The following PDCD11 variants were observed in gnomAD, a reference collection of about 807,000 sequenced individuals.
PDCD11 encodes the protein programmed cell death 11.
Under a neutral mutation model 198.9 loss-of-function variants are expected in PDCD11, and 97 were observed. The observed-to-expected ratio is 0.49, with a 90% CI of 0.41 to 0.58. The LOEUF is 0.58. Among genes scored for constraint, PDCD11 ranks in the 20% least tolerant of loss-of-function variants. The probability of loss-of-function intolerance (pLI) is 0.00; values close to 1 mark genes in which losing one functional copy is unlikely to be tolerated. For missense variants in PDCD11, 2,102 were observed against 2,312.7 expected (o/e 0.91, Z 1.87); for synonymous variants, 893 against 918.0 (o/e 0.97, Z 0.49).
chr10:103,400,584 T>C (rs1408408827), intron 3 of PDCD11, 56 bp downstream of exon 3: 2 of 1,539,544 alleles, frequency 1.3e-6, no homozygotes, highest in Non-Finnish European at 1.8e-6. Context: ...TAAGTTTGTG[T>C]ATGTTCTTTT....
At chr10:103,404,946 T>C in intron 4 of PDCD11, 76 bp from the exon 5 acceptor site, 1 of 1,414,460 alleles carries the variant, frequency 7.1e-7, no homozygotes. Flanking sequence ...GAGAAGTCAC[T>C]GAGCCAAAGC....
At chr10:103,417,980 A>G in intron 14 of PDCD11, 48 bp downstream of exon 14, 7 of 1,601,864 alleles carry the variant, frequency 4.4e-6, no homozygotes, top group Non-Finnish European at 6.0e-6. Flanking sequence ...AGTGGCAGAG[A>G]GCAGGGAACC....
At chr10:103,407,556 C>A (rs1564758669) in intron 7 of PDCD11, among the ~76,000 whole-genome samples, 1 of 151,966 alleles carries the variant, frequency 6.6e-6, no homozygotes, top group Non-Finnish European at 1.5e-5. Flanking sequence ...GTGCGAGACT[C>A]CGTCTCAAAC....
In PDCD11 at chr10:103,398,536, G is replaced by C. The variant is rs761688267; in HGVS notation, c.102+8G>C. ...CAAGACAACTTATTTGATGTAAGTA[G>C]TATGCTTGTTTGGTGACACTCACTG... On this transcript the variant is annotated splice_region_variant and intron_variant, in intron 2 of 35. Transcript: ENST00000369797. 16 of 1,572,278 alleles carry C rather than the reference G, an allele frequency of 1.0e-5. No homozygotes were observed. Among genetic ancestry groups the C allele is most frequent in the Non-Finnish European group, 1.3e-5 (15 of 1,141,894 alleles).
rs1261304814 is a variant in PDCD11 at position 103,419,719 on chromosome 10, C to T, written c.2277+11C>T. 6.2e-7 allele frequency: 1 copy of T among 1,613,058 alleles called. No individual in the cohort carries two copies. The highest frequency in any genetic ancestry group is 8.5e-7 in the Non-Finnish European group (1 of 1,179,372). Reference sequence around the variant, plus strand: ...CTGGCCCCAAAAGCTGTAAGTTCAACTCCATGTACAAGGGCTTTGAGGAGA... The same window carrying T: ...CTGGCCCCAAAAGCTGTAAGTTCAATTCCATGTACAAGGGCTTTGAGGAGA... On this transcript the variant is annotated intron_variant, in intron 16 of 35. Transcript: ENST00000369797.
In PDCD11 at chr10:103,441,842, C is replaced by T. The variant is rs2032397289; in HGVS notation, c.4574C>T (p.Pro1525Leu). Residue 1525 changes from proline to leucine, a missense_variant, in exon 31 of 36, where the codon CCA becomes CTA. Physicochemically the swap from Pro to Leu is moderately conservative, Grantham distance 98 (BLOSUM62 -3). Transcript: ENST00000369797. The stretch of plus-strand genomic sequence containing the variant: ...TTCCTCCAGGAGAAGCAAACCAAGC[C>T]AGCAGAAGCGCCCCGGCTGCAGCTG... ...NVLPKEKQTK[P>L]AEAPRLQLSS... 1 of 1,613,948 alleles carries T rather than the reference C, an allele frequency of 6.2e-7. No individual in the cohort carries two copies. The highest frequency in any genetic ancestry group is 1.7e-5 in the Admixed American group (1 of 60,006).
At position 103,445,611 on chromosome 10, in the gene PDCD11, C is replaced by T. The variant is rs2032577606; in HGVS notation, c.*62C>T. 11 of 1,469,056 alleles carry T rather than the reference C, an allele frequency of 7.5e-6. No homozygotes were observed. Among genetic ancestry groups the T allele is most frequent in the Admixed American group, 2.0e-5 (1 of 50,524 alleles). 91.0% of individuals were successfully genotyped at this position (1,469,056 alleles called of 1,614,324 possible). A position where few individuals can be genotyped will look rare whatever the true frequency, so the allele number is the denominator to read the frequency against. Reference sequence around the variant, plus strand: ...GCCAGCCCGGCCCCGCCTCGAGTGCCTGGGCACTCGGAAAACTGTTACCTC... The same window carrying T: ...GCCAGCCCGGCCCCGCCTCGAGTGCTTGGGCACTCGGAAAACTGTTACCTC... On this transcript the variant is annotated 3_prime_UTR_variant, in exon 36 of 36. Coordinates refer to ENST00000369797, the MANE Select transcript of PDCD11 (RefSeq NM_014976.2).
At chr10:103,434,759 C>T in intron 24 of PDCD11, 39 bp from the exon 25 acceptor site, 3 of 1,563,886 alleles carry the variant, frequency 1.9e-6, no homozygotes, top group Non-Finnish European at 8.7e-7. Context: ...TCCCTTAGCT[C>T]ATTTCCTCTT....
intron 34 of PDCD11, 86 bp downstream of exon 34, chr10:103,444,154 C>A: frequency 8.3e-7 from 1 of 1,207,660 alleles, no homozygotes; most frequent in South Asian, 1.4e-5. Flanking sequence ...TCTTCTAAGT[C>A]AGGAGAGCCT....
chr10:103,444,837 C>T (rs985567966), intron 35 of PDCD11, among the ~76,000 whole-genome samples, 155 bp downstream of exon 35: 5 of 152,258 alleles, frequency 3.3e-5, no homozygotes, highest in Non-Finnish European at 4.4e-5. Flanking sequence ...TTCAACTCCT[C>T]TTTCTGCCTC....
intron 8 of PDCD11, among the ~76,000 whole-genome samples, chr10:103,412,037 CTG>C (rs1423804250): frequency 6.6e-6 from 1 of 152,100 alleles, no homozygotes; most frequent in Non-Finnish European, 1.5e-5. Flanking sequence ...GGGTCTCACT[CTG>C]TCACCCAGGC....
Position 103,423,132 on chromosome 10 carries a change from G to A in PDCD11, c.2642G>A (p.Arg881His), listed in dbSNP as rs374749736. 1.5e-5 allele frequency: 24 copies of A among 1,574,454 alleles called. No individual in the cohort carries two copies. The highest frequency in any genetic ancestry group is 9.5e-5 in the African/African-American group (7 of 73,388). The stretch of plus-strand genomic sequence containing the variant: ...GTCCTGAAAGCCAGCAGATACCATC[G>A]CGCAGGTGAGTGCTTCTGTCTTACC... ...DLVLKASRYHRAGQEVESGQK... is the reference protein window; with the variant it reads ...DLVLKASRYHHAGQEVESGQK... The change falls in exon 18 of 36, where the codon CGC becomes CAC. Residue 881 changes from arginine (R) to histidine (H), a missense_variant. Arg to His is a conservative substitution (Grantham distance 29). Coordinates refer to ENST00000369797, the MANE Select transcript of PDCD11 (RefSeq NM_014976.2).
At chr10:103,405,895 C>A in intron 5 of PDCD11, 90 bp from the exon 6 acceptor site, 1 of 1,403,344 alleles carries the variant, frequency 7.1e-7, no homozygotes, top group Non-Finnish European at 9.9e-7. Context: ...AGAGTGTGAG[C>A]TTAGTGGCAG....
chr10:103,411,539 CTA>C (rs1041844722), intron 8 of PDCD11, among the ~76,000 whole-genome samples: 40 of 151,766 alleles, frequency 2.6e-4, no homozygotes, highest in African/African-American at 9.4e-4. Context: ...CTAATTTTTG[CTA>C]TGTTTTATAG....
At chr10:103,422,236 A>G (rs970631607) in intron 17 of PDCD11, among the ~76,000 whole-genome samples, 1 of 151,302 alleles carries the variant, frequency 6.6e-6, no homozygotes, top group African/African-American at 2.4e-5. Flanking sequence ...ATCTGCCACC[A>G]TGTCTGGCTA....
rs1456544686 is a variant in PDCD11 at position 103,442,424 on chromosome 10, C to T, written c.4919C>T (p.Ala1640Val). ...LQATEIEKAR[A>V]VAERALKTIS... Reference sequence around the variant, plus strand: ...GCCACGGAGATCGAGAAGGCCCGTGCCGTGGCTGAGAGGGCCCTTAAGACC... The same window carrying T: ...GCCACGGAGATCGAGAAGGCCCGTGTCGTGGCTGAGAGGGCCCTTAAGACC... Residue 1640 changes from alanine (A) to valine (V), a missense_variant, in exon 32 of 36, where the codon GCC becomes GTC. Ala to Val is a moderately conservative substitution (Grantham distance 64, BLOSUM62 0). Coordinates refer to ENST00000369797, the MANE Select transcript of PDCD11 (RefSeq NM_014976.2). 6.2e-7 allele frequency: 1 copy of T among 1,614,106 alleles called. No homozygotes were observed. Among genetic ancestry groups the T allele is most frequent in the South Asian group, 1.1e-5 (1 of 91,084 alleles).
At chr10:103,437,939 G>A in intron 25 of PDCD11, 76 bp from the exon 26 acceptor site, 1 of 1,163,620 alleles carries the variant, frequency 8.6e-7, no homozygotes, top group Middle Eastern at 1.9e-4. Context: ...TCAGCCTGGA[G>A]GAGAGGAAGC....
chr10:103,415,131 G>A lies in PDCD11; in HGVS notation c.1498G>A (p.Gly500Arg), dbSNP rs2031034521. Residue 500 changes from glycine (G) to arginine (R), a missense_variant, in exon 12 of 36, where the codon GGG (glycine) becomes AGG (arginine). Transcript: ENST00000369797. Reference protein sequence around the residue: ...MKNPEKKYHIGDEVKCRVLLC... With the variant: ...MKNPEKKYHIRDEVKCRVLLC... ...GAATCCGGAGAAGAAGTACCACATC[G>A]GGGATGAGGTCAAGTGCCGGGTGAG... 1.9e-6 allele frequency: 3 copies of A among 1,613,944 alleles called. No homozygotes were observed. The highest frequency in any genetic ancestry group is 1.1e-5 in the South Asian group (1 of 91,066).
At chr10:103,410,299 G>C (rs2030718589) in intron 8 of PDCD11, among the ~76,000 whole-genome samples, 1 of 151,436 alleles carries the variant, frequency 6.6e-6, no homozygotes, top group South Asian at 2.1e-4. Context: ...ACTGAAATTA[G>C]AGAAGGAGCA....
Sources: allele counts gnomAD v4.1 joint callset (sites outside exome capture counted in the v4.1 genomes callset), GRCh38; gene constraint gnomAD v4.1.1; transcripts MANE v1.5; gene names NCBI Gene and HGNC (gene_info 2026-07-23, HGNC 2026-07-21).